Variants in IL1RAPL1 observed in about 807,000 individuals in gnomAD.
IL1RAPL1 encodes interleukin-1 receptor accessory protein-like 1.
A neutral mutation model predicts 48.4 loss-of-function variants in IL1RAPL1; 3 were observed. That is an observed-to-expected ratio of 0.06 (90% CI 0.03 to 0.16). The LOEUF (loss-of-function observed/expected upper bound fraction) is 0.16, where lower values mean the gene tolerates loss of function less well. IL1RAPL1 is among the 10% of genes least tolerant of loss of function. IL1RAPL1 has a pLI of 1.00. For missense variants in IL1RAPL1, 349 were observed against 530.6 expected, an observed-to-expected ratio of 0.66 and a Z score of 3.36; for synonymous variants, 185 against 187.7, an observed-to-expected ratio of 0.99 and a Z score of 0.12.
intron 6 of IL1RAPL1, among the ~76,000 whole-genome samples, chrX:29,862,418 G>A (rs1053970058): frequency 9.0e-6 from 1 of 111,207 alleles, no homozygotes; most frequent in African/African-American, 3.3e-5. Context: ...AAAACGTGAC[G>A]GATGATTTAG....
chrX:28,697,004 T>C (rs781729647), intron 1 of IL1RAPL1, among the ~76,000 whole-genome samples: 1 of 111,960 alleles, frequency 8.9e-6, no homozygotes, highest in South Asian at 3.6e-4. Context: ...TAAATAGATG[T>C]TGAGAGATTG....
intron 2 of IL1RAPL1, among the ~76,000 whole-genome samples, chrX:29,100,036 A>T (rs1396049873): frequency 1.8e-5 from 2 of 109,422 alleles, no homozygotes; most frequent in African/African-American, 6.7e-5. Context: ...ACATGGTGAA[A>T]CCCCGTCTCT....
chrX:29,195,736 T>G (rs1482602753), intron 2 of IL1RAPL1, among the ~76,000 whole-genome samples: 1 of 109,586 alleles, frequency 9.1e-6, no homozygotes, highest in Non-Finnish European at 1.9e-5. Flanking sequence ...ATTTTTGTAT[T>G]TTTCTGTAGA....
intron 5 of IL1RAPL1, among the ~76,000 whole-genome samples, chrX:29,520,977 T>C (rs916300711): frequency 1.8e-5 from 2 of 111,236 alleles, no homozygotes; most frequent in African/African-American, 6.5e-5. Flanking sequence ...AGCTTTGTGT[T>C]GCTCTCATGG....
chrX:29,944,205 C>A (rs1187089650), intron 9 of IL1RAPL1, among the ~76,000 whole-genome samples: 1 of 111,375 alleles, frequency 9.0e-6, no homozygotes, highest in East Asian at 2.8e-4. Flanking sequence ...AAGCGGGGGG[C>A]AGGGGGAAGC....
chrX:29,774,474 C>T (rs1263342180), intron 6 of IL1RAPL1, among the ~76,000 whole-genome samples: 1 of 111,897 alleles, frequency 8.9e-6, no homozygotes, highest in Non-Finnish European at 1.9e-5. Context: ...ATTAAAGCAA[C>T]AATAATGAAC....
chrX:28,839,063 A>G (rs1395379330), intron 2 of IL1RAPL1, among the ~76,000 whole-genome samples: 1 of 111,942 alleles, frequency 8.9e-6, no homozygotes, highest in Admixed American at 9.5e-5. Context: ...AAAGGTGAGG[A>G]AAAAGAACTT....
intron 2 of IL1RAPL1, among the ~76,000 whole-genome samples, chrX:29,045,898 ACCTCCTCCTCCTCCTCCTTCTT>A (rs1319935236): frequency 1.3e-4 from 9 of 67,174 alleles, no homozygotes; most frequent in Non-Finnish European, 2.3e-4. Flanking sequence ...CTCCTCCTCC[ACCTCCTCCTCCTCCTCCTTCTT>A]CCTCCTCCTC....
At chrX:29,152,536 C>T (rs1056123817) in intron 2 of IL1RAPL1, among the ~76,000 whole-genome samples, 2 of 111,795 alleles carry the variant, frequency 1.8e-5, no homozygotes, top group Admixed American at 9.6e-5. Context: ...TTTTTAATTA[C>T]ATTATAACTT....
At chrX:29,256,049 GCTAAA>G (rs2147579295) in intron 2 of IL1RAPL1, among the ~76,000 whole-genome samples, 1 of 111,688 alleles carries the variant, frequency 9.0e-6, no homozygotes, top group South Asian at 3.7e-4. Flanking sequence ...TTTCACATCA[GCTAAA>G]CTAATTTCCA....
chrX:29,932,775 ATTATTAT>A (rs1316199223), intron 8 of IL1RAPL1, among the ~76,000 whole-genome samples: 1 of 108,434 alleles, frequency 9.2e-6, no homozygotes, highest in Non-Finnish European at 1.9e-5. Context: ...AGCTCTTATT[ATTATTAT>A]TTATTATTAT....
At chrX:29,729,867 G>T (rs1435949431) in intron 6 of IL1RAPL1, among the ~76,000 whole-genome samples, 1 of 111,226 alleles carries the variant, frequency 9.0e-6, no homozygotes, top group African/African-American at 3.3e-5. Flanking sequence ...ACGGAAAGTG[G>T]AAAAAAATAG....
intron 2 of IL1RAPL1, among the ~76,000 whole-genome samples, chrX:29,159,462 A>G (rs6630815): frequency 0.012 from 1,320 of 111,909 alleles, 20 homozygotes; most frequent in African/African-American, 0.04. Context: ...GATGATAGCT[A>G]AGTGCATTGT....
intron 2 of IL1RAPL1, among the ~76,000 whole-genome samples, chrX:29,229,897 A>G (rs1931159502): frequency 8.9e-6 from 1 of 112,439 alleles, no homozygotes; most frequent in African/African-American, 3.2e-5. Context: ...AGCTTATTAT[A>G]TCTTCAGTAC....
intron 5 of IL1RAPL1, among the ~76,000 whole-genome samples, chrX:29,517,112 T>A (rs1437539790): frequency 9.0e-6 from 1 of 111,328 alleles, no homozygotes; most frequent in Non-Finnish European, 1.9e-5. Context: ...CTTAATTTAA[T>A]CACATTTATT....
intron 2 of IL1RAPL1, among the ~76,000 whole-genome samples, chrX:29,135,729 G>T (rs1929111145): frequency 9.0e-6 from 1 of 111,267 alleles, no homozygotes; most frequent in Non-Finnish European, 1.9e-5. Flanking sequence ...TCTTAGTAGA[G>T]AATTTATTTA....
chrX:29,573,014 A>T (rs767691520), intron 5 of IL1RAPL1, among the ~76,000 whole-genome samples: 6 of 112,389 alleles, frequency 5.3e-5, no homozygotes, highest in Non-Finnish European at 9.4e-5. Flanking sequence ...TATTTCTCAC[A>T]GTTCTAGATG....
At chrX:29,556,357 T>C (rs147824129) in intron 5 of IL1RAPL1, among the ~76,000 whole-genome samples, 7,306 of 111,570 alleles carry the variant, frequency 0.065, 204 homozygotes, top group Middle Eastern at 0.12. Flanking sequence ...AGAATCATAG[T>C]TTAAGATCAG....
chrX:29,022,309 C>T (rs975194171), intron 2 of IL1RAPL1, among the ~76,000 whole-genome samples: 2 of 111,742 alleles, frequency 1.8e-5, no homozygotes, highest in Non-Finnish European at 3.8e-5. Context: ...CTTACCTACT[C>T]TCTCCCACTT....
Sources: allele counts gnomAD v4.1 joint callset (sites outside exome capture counted in the v4.1 genomes callset), GRCh38; gene constraint gnomAD v4.1.1; transcripts MANE v1.5; gene names NCBI Gene and HGNC (gene_info 2026-07-23, HGNC 2026-07-21).